SORL1: variants seen among roughly 807,000 people sequenced by gnomAD.
SORL1 encodes sortilin related receptor 1.
Under a neutral mutation model 273.7 loss-of-function variants are expected in SORL1, and 127 were observed. That is an observed-to-expected ratio of 0.46 (90% CI 0.40 to 0.54). The LOEUF is 0.54. Among genes scored for constraint, SORL1 ranks in the 20% least tolerant of loss-of-function variants. The pLI, the probability that SORL1 is intolerant of heterozygous loss-of-function variation, is 0.00. For synonymous variants in SORL1, 1,031 were observed against 1,067.4 expected (o/e 0.97, Z 0.66); for missense variants, 2,494 against 2,846.1 (o/e 0.88, Z 2.81).
rs1043598492 is a variant in SORL1 at position 121,591,259 on chromosome 11, G to A, written c.4369+103G>A. On this transcript the variant is annotated intron_variant, in intron 31 of 47. Transcript: ENST00000260197. ...ATCCAACCGGGCCCCATGCCCTGCT[G>A]TCTGGGACTCTGCTGTGTGGCCAGG... The A allele has an allele frequency of 7.4e-6, 9 of 1,222,314 alleles. No individual in the cohort carries two copies. In the African/African-American group the frequency reaches 1.0e-4, roughly 14 times the overall value. 75.7% of individuals were successfully genotyped at this position (1,222,314 alleles called of 1,614,324 possible).
At chr11:121,606,785 A>C in intron 35 of SORL1, 60 bp from the exon 36 acceptor site, 1 of 1,216,706 alleles carries the variant, frequency 8.2e-7, no homozygotes, top group Non-Finnish European at 1.2e-6. Context: ...AGCCCAGGAA[A>C]ATTCCTCTGG....
At chr11:121,578,551 G>A (rs976775738) in intron 25 of SORL1, among the ~76,000 whole-genome samples, 2 of 152,266 alleles carry the variant, frequency 1.3e-5, no homozygotes, top group East Asian at 1.9e-4. Context: ...GCTTCCCCAC[G>A]GAGAGAGATG....
At chr11:121,569,872 CAG>C (rs1019008678) in intron 22 of SORL1, among the ~76,000 whole-genome samples, 2 of 152,164 alleles carry the variant, frequency 1.3e-5, no homozygotes, top group African/African-American at 2.4e-5. Context: ...TTTTACGGCT[CAG>C]GGGGCATCAC....
At chr11:121,548,196 T>G (rs1429505500) in intron 14 of SORL1, among the ~76,000 whole-genome samples, 1 of 152,254 alleles carries the variant, frequency 6.6e-6, no homozygotes, top group Non-Finnish European at 1.5e-5. Flanking sequence ...TGGGGCCTTT[T>G]GCAATCTTTT....
intron 6 of SORL1, among the ~76,000 whole-genome samples, chr11:121,502,491 G>A (rs1233401891): frequency 6.6e-6 from 1 of 152,066 alleles, no homozygotes; most frequent in Non-Finnish European, 1.5e-5. Flanking sequence ...CAAAACTATT[G>A]TACCATTTTA....
In SORL1 at chr11:121,612,803, A is replaced by G; in HGVS notation, c.5390A>G (p.Asn1797Ser). The G allele has an allele frequency of 6.2e-7, 1 of 1,613,988 alleles. No homozygotes were observed. Among genetic ancestry groups the G allele is most frequent in the Non-Finnish European group, 8.5e-7 (1 of 1,179,878 alleles). Reference protein sequence around the residue: ...DTHKQERRTLNFRGSILSHKV... With the variant: ...DTHKQERRTLSFRGSILSHKV... ...CACAAGCAAGAGAGGAGAACTTTGA[A>G]CTTCCGAGGAAGCATATTGTCACAC... The change falls in exon 40 of 48, where the codon AAC (asparagine) becomes AGC (serine). Residue 1797 changes from asparagine to serine, a missense_variant. Around this residue, in one of 3 missense-constraint regions of SORL1, gnomAD observed 1,609 missense variants for 1,816.4 expected, o/e 0.89. Transcript: ENST00000260197.
At chr11:121,488,339 T>G in intron 4 of SORL1, 146 bp downstream of exon 4, 1 of 816,294 alleles carries the variant, frequency 1.2e-6, no homozygotes, top group Non-Finnish European at 1.9e-6. Flanking sequence ...CTATTTCACT[T>G]ACCAGGGCTC....
chr11:121,566,203 G>A (rs1862751933), intron 21 of SORL1, among the ~76,000 whole-genome samples: 1 of 152,002 alleles, frequency 6.6e-6, no homozygotes, highest in Non-Finnish European at 1.5e-5. Context: ...CATGGGGACT[G>A]GAGCTGTTCT....
chr11:121,582,851 G>C (rs972094810), intron 25 of SORL1, among the ~76,000 whole-genome samples: 2 of 152,074 alleles, frequency 1.3e-5, no homozygotes, highest in Admixed American at 1.3e-4. Context: ...ACTTGAAATT[G>C]GATTTTTTTT....
intron 4 of SORL1, among the ~76,000 whole-genome samples, chr11:121,488,581 T>A (rs920419581): frequency 6.6e-6 from 1 of 152,212 alleles, no homozygotes; most frequent in African/African-American, 2.4e-5. Context: ...TTCTGCTTTC[T>A]CCATCCTCCA....
chr11:121,570,875 C>T (rs1862831793), intron 23 of SORL1, among the ~76,000 whole-genome samples: 1 of 152,138 alleles, frequency 6.6e-6, no homozygotes, highest in African/African-American at 2.4e-5. Flanking sequence ...AAGTTAAAAC[C>T]AAACAACCAC....
chr11:121,532,093 G>T (rs1862210335), intron 11 of SORL1, among the ~76,000 whole-genome samples: 1 of 152,086 alleles, frequency 6.6e-6, no homozygotes, highest in Non-Finnish European at 1.5e-5. Context: ...GGCTATAGAG[G>T]GCTAATACTG....
Position 121,550,708 on chromosome 11 carries a change from C to A in SORL1, c.2266+38C>A. The stretch of plus-strand genomic sequence containing the variant: ...GTTTCTTCCCTTTCATTTCTTGAGA[C>A]ATGGTTGAAGCAGTATCACGATCTC... On this transcript the variant is annotated intron_variant, in intron 16 of 47. Transcript: ENST00000260197. The surrounding 1 kb of genome is among the most constrained non-coding windows in gnomAD (Gnocchi z 5.3). 6.5e-7 allele frequency: 1 copy of A among 1,535,654 alleles called. No homozygotes were observed. Among genetic ancestry groups the A allele is most frequent in the South Asian group, 1.1e-5 (1 of 88,586 alleles).
At position 121,558,880 on chromosome 11, in the gene SORL1, G is replaced by A. The variant is rs1277628835; in HGVS notation, c.2910+43G>A. 5 of 1,610,202 alleles carry A rather than the reference G, an allele frequency of 3.1e-6. No homozygotes were observed. The Admixed American group carries it at 5.0e-5, about 16-fold the overall frequency. On this transcript the variant is annotated intron_variant, in intron 20 of 47. Transcript: ENST00000260197. ...TGCCGGACAGTCTGCTAGAGCGGGT[G>A]AGGAGCATATGAGATCAGGAGCCTG...
chr11:121,489,937 A>T, intron 4 of SORL1, 106 bp from the exon 5 acceptor site: 1 of 833,768 alleles, frequency 1.2e-6, no homozygotes, highest in Non-Finnish European at 2.1e-6. Flanking sequence ...GCCTGCCTTC[A>T]CAGACAGCGT....
chr11:121,543,811 A>T lies in SORL1; in HGVS notation c.1864+85A>T, dbSNP rs1207657693. 3 of 1,277,402 alleles carry T rather than the reference A, an allele frequency of 2.3e-6. No individual in the cohort carries two copies. The Admixed American group carries it at 6.2e-5, about 26-fold the overall frequency. 79.1% of individuals were successfully genotyped at this position (1,277,402 alleles called of 1,614,324 possible). On this transcript the variant is annotated intron_variant, in intron 13 of 47. Transcript: ENST00000260197. Reference sequence around the variant, plus strand: ...CAAAGCACCAGCTTAGATACTGTGTACTCAGAAGAGCCTGACATTCATTGG... The same window carrying T: ...CAAAGCACCAGCTTAGATACTGTGTTCTCAGAAGAGCCTGACATTCATTGG...
rs373747261 is a variant in SORL1 at position 121,628,527 on chromosome 11, C to T, written c.6577+760C>T. On this transcript the variant is annotated intron_variant, in intron 47 of 47. Coordinates refer to ENST00000260197, the MANE Select transcript of SORL1 (RefSeq NM_003105.6). ...GACTCACCACTCACAGCCTGCTGTGCGGCCCCCCATTCCTAACAGGCCATG... is the reference window on the plus strand; with the variant it reads ...GACTCACCACTCACAGCCTGCTGTGTGGCCCCCCATTCCTAACAGGCCATG... Among the ~76,000 whole-genome samples, 51 of 152,318 alleles carry T rather than the reference C, an allele frequency of 3.3e-4. 1 individual carries two copies. Among genetic ancestry groups the T allele is most frequent in the Middle Eastern group, 3.4e-3 (1 of 294 alleles).
In SORL1 at chr11:121,469,257, A is replaced by G. The variant is rs1861135282; in HGVS notation, c.286-750A>G. ...ATTACACCTGCTGGAACTCAGTCCC[A>G]GGCCACACCTTCTGCCCCACAGCCT... On this transcript the variant is annotated intron_variant, in intron 1 of 47. Coordinates refer to ENST00000260197, the MANE Select transcript of SORL1 (RefSeq NM_003105.6). 7.2e-5 allele frequency among the ~76,000 whole-genome samples: 11 copies of G among 152,286 alleles called. No homozygotes were observed. In the South Asian group the frequency reaches 2.3e-3, roughly 32 times the overall value.
intron 47 of SORL1, among the ~76,000 whole-genome samples, chr11:121,628,418 C>T (rs1202067682): frequency 2.0e-5 from 3 of 152,182 alleles, no homozygotes; most frequent in African/African-American, 7.2e-5. Flanking sequence ...CTTGCACGCT[C>T]AGTTCACGAT....
Sources: gnomAD v4.1 joint callset for allele counts (sites outside exome capture counted in the v4.1 genomes callset) on GRCh38, gnomAD v4.1.1 for gene constraint, gnomAD v4.1.1 regional missense constraint, Gnocchi (gnomAD v3.1) non-coding constraint, MANE v1.5 for transcripts, NCBI Gene and HGNC (gene_info 2026-07-23, HGNC 2026-07-21) for gene names.